Variants in CLIC5 observed in about 807,000 individuals in gnomAD.
CLIC5 encodes the protein CLIC family member 5, also known as chloride intracellular channel protein 5.
In CLIC5, 20 loss-of-function variants were observed where a neutral mutation model predicts 24.7. The ratio of observed to expected loss-of-function variants is 0.81; its 90% CI spans 0.57 to 1.18. The LOEUF is 1.18. Ranked by LOEUF, CLIC5 falls within the 50% of genes most tolerant of loss-of-function variation. The probability of loss-of-function intolerance (pLI) is 0.00; values close to 1 mark genes in which losing one functional copy is unlikely to be tolerated. For synonymous variants in CLIC5, 159 were observed against 135.6 expected, an observed-to-expected ratio of 1.17 and a Z score of -1.20; for missense variants, 341 against 326.1, an observed-to-expected ratio of 1.05 and a Z score of -0.35.
At chr6:46,066,898 G>A (rs867290473) in intron 1 of CLIC5, among the ~76,000 whole-genome samples, 5 of 152,146 alleles carry the variant, frequency 3.3e-5, no homozygotes, top group South Asian at 2.1e-4. Context: ...AAAGCTGGAT[G>A]GAGCAGAACA....
the CLIC5 span, among the ~76,000 whole-genome samples, chr6:46,092,363 A>G: frequency 5.9e-5 from 9 of 152,074 alleles, no homozygotes. Flanking sequence ...AAACAATGCC[A>G]ATTACAAAAG....
In CLIC5 at chr6:46,066,517, A is replaced by T. The variant is rs566902022; in HGVS notation, c.540+13186T>A. 2.0e-5 allele frequency among the ~76,000 whole-genome samples: 3 copies of T among 152,270 alleles called. No homozygotes were observed. The East Asian group carries it at 5.8e-4, about 29-fold the overall frequency. ...GAACACACCAAGAAGCTTTCCTTCC[A>T]AAAGCAAACTGAACTATCCCCCGCC... On this transcript the variant is annotated intron_variant, in intron 1 of 5. Transcript: ENST00000185206.
intron 6 of CLIC5, among the ~76,000 whole-genome samples, chr6:45,884,922 T>C (rs1762292001): frequency 1.1e-5 from 1 of 87,778 alleles, no homozygotes; most frequent in African/African-American, 4.8e-5. Context: ...CAAAATGTGG[T>C]AAACTGTCAA....
At chr6:45,967,564 C>T (rs956833182) in intron 1 of CLIC5, among the ~76,000 whole-genome samples, 2 of 152,108 alleles carry the variant, frequency 1.3e-5, no homozygotes, top group Non-Finnish European at 2.9e-5. Flanking sequence ...TGCCTGGAGG[C>T]TGGATTGAAC....
downstream of CLIC5, among the ~76,000 whole-genome samples, chr6:45,896,708 C>T (rs905451336): frequency 1.3e-5 from 2 of 152,218 alleles, no homozygotes; most frequent in Non-Finnish European, 2.9e-5. Flanking sequence ...AGGACTTAGT[C>T]TTCCTCAATA....
At chr6:45,948,090 A>C (rs1049835549) in intron 3 of CLIC5, among the ~76,000 whole-genome samples, 3 of 152,232 alleles carry the variant, frequency 2.0e-5, no homozygotes. Flanking sequence ...AATGAGGATA[A>C]TGATAGTACC....
chr6:45,974,788 T>G (rs1373577914), intron 1 of CLIC5, among the ~76,000 whole-genome samples: 1 of 152,040 alleles, frequency 6.6e-6, no homozygotes, highest in East Asian at 1.9e-4. Flanking sequence ...TGTGTGGATA[T>G]ATATGTAACC....
intron 1 of CLIC5, among the ~76,000 whole-genome samples, chr6:45,956,887 TC>T (rs1204091552): frequency 1.3e-5 from 2 of 152,102 alleles, no homozygotes; most frequent in Non-Finnish European, 2.9e-5. Context: ...CGCTACACCT[TC>T]CCACGGAGGT....
At chr6:46,041,450 G>T (rs954238466) in intron 1 of CLIC5, among the ~76,000 whole-genome samples, 3 of 152,076 alleles carry the variant, frequency 2.0e-5, no homozygotes, top group Admixed American at 6.6e-5. Context: ...ATTGAGACAG[G>T]CCACCTCCCC....
chr6:46,099,986 T>TAA, the CLIC5 span, among the ~76,000 whole-genome samples: 52 of 143,120 alleles, frequency 3.6e-4, no homozygotes, highest in Middle Eastern at 0.011. Context: ...CATAAGGCCA[T>TAA]AAAAAAAAAA....
chr6:46,036,332 C>T (rs1361868783), intron 1 of CLIC5, among the ~76,000 whole-genome samples: 1 of 103,184 alleles, frequency 9.7e-6, no homozygotes, highest in African/African-American at 4.1e-5. Flanking sequence ...TTTTTTGAGA[C>T]GGAGTCTCAT....
chr6:46,023,524 G>A (rs1240016308), intron 1 of CLIC5, among the ~76,000 whole-genome samples: 1 of 152,102 alleles, frequency 6.6e-6, no homozygotes, highest in Non-Finnish European at 1.5e-5. Flanking sequence ...ACTAGTCTTG[G>A]ATAAGAAATG....
At chr6:45,894,162 T>TA (rs1762374861), downstream of CLIC5, among the ~76,000 whole-genome samples, 1 of 152,252 alleles carries the variant, frequency 6.6e-6, no homozygotes, top group Non-Finnish European at 1.5e-5. Flanking sequence ...ATATTTCACT[T>TA]ATCAATTTGA....
intron 4 of CLIC5, among the ~76,000 whole-genome samples, chr6:45,933,850 T>C (rs1483993926): frequency 6.6e-6 from 1 of 151,796 alleles, no homozygotes; most frequent in Non-Finnish European, 1.5e-5. Flanking sequence ...AGAAAGTGAG[T>C]TTCAGGTGAA....
chr6:46,076,219 C>A (rs182637583), intron 1 of CLIC5, among the ~76,000 whole-genome samples: 26 of 152,326 alleles, frequency 1.7e-4, no homozygotes, highest in African/African-American at 6.0e-4. Flanking sequence ...CCAGCCTCAT[C>A]TCCTACCACC....
intron 1 of CLIC5, among the ~76,000 whole-genome samples, chr6:45,991,490 A>G (rs1206887550): frequency 1.3e-5 from 2 of 152,248 alleles, no homozygotes; most frequent in Non-Finnish European, 2.9e-5. Context: ...AGCCTGTGAG[A>G]TACAGAGCAG....
At chr6:46,116,185 C>G in the CLIC5 span, among the ~76,000 whole-genome samples, 1 of 150,532 alleles carries the variant, frequency 6.6e-6, no homozygotes, top group African/African-American at 2.5e-5. Flanking sequence ...TAGGGTATAA[C>G]CATTAGCAAG....
At chr6:45,935,838 G>A (rs1763910565) in intron 4 of CLIC5, among the ~76,000 whole-genome samples, 1 of 152,102 alleles carries the variant, frequency 6.6e-6, no homozygotes, top group Admixed American at 6.5e-5. Flanking sequence ...AGACAGAAAA[G>A]GATATCCAAG....
chr6:46,092,485 C>T, the CLIC5 span, among the ~76,000 whole-genome samples: 1 of 152,094 alleles, frequency 6.6e-6, no homozygotes, highest in Non-Finnish European at 1.5e-5. Flanking sequence ...TATTCCTGCC[C>T]TGATTCTACC....
Sources: gnomAD v4.1 joint callset for allele counts (sites outside exome capture counted in the v4.1 genomes callset) on GRCh38, gnomAD v4.1.1 for gene constraint, MANE v1.5 for transcripts, NCBI Gene and HGNC (gene_info 2026-07-23, HGNC 2026-07-21) for gene names.